NXPE4: variants seen among roughly 807,000 people sequenced by gnomAD.
The protein encoded by NXPE4 is neurexophilin and PC-esterase domain family member 4.
A neutral mutation model predicts 33.3 loss-of-function variants in NXPE4; 42 were observed. The observed-to-expected ratio is 1.26, with a 90% CI of 0.98 to 1.63. The LOEUF is 1.63. Among genes scored for constraint, NXPE4 ranks in the 40% most tolerant of loss-of-function variants. The pLI, the probability that NXPE4 is intolerant of heterozygous loss-of-function variation, is 0.00. For missense variants in NXPE4, 709 were observed against 647.6 expected (o/e 1.09, Z -1.03); for synonymous variants, 253 against 234.9 (o/e 1.08, Z -0.71).
chr11:114,620,715 G>C, the NXPE4 span, among the ~76,000 whole-genome samples: 1 of 152,028 alleles, frequency 6.6e-6, no homozygotes, highest in Admixed American at 6.5e-5. Context: ...AATAAGTACT[G>C]CCTCTTGGGT....
chr11:114,654,738 G>T, the NXPE4 span, among the ~76,000 whole-genome samples: 1 of 152,072 alleles, frequency 6.6e-6, no homozygotes, highest in East Asian at 1.9e-4. Flanking sequence ...CATTTGACTT[G>T]GTTCCGTGTC....
At chr11:114,589,265 G>A (rs569828744) in intron 2 of NXPE4, among the ~76,000 whole-genome samples, 15 of 152,222 alleles carry the variant, frequency 9.9e-5, no homozygotes, top group Non-Finnish European at 1.5e-4. Flanking sequence ...GATGGGTCCT[G>A]GTGCTCAAGC....
the NXPE4 span, among the ~76,000 whole-genome samples, chr11:114,634,838 T>G: frequency 6.6e-6 from 1 of 151,936 alleles, no homozygotes; most frequent in Admixed American, 6.6e-5. Flanking sequence ...TGTTTTGGTA[T>G]CAGTGCTATG....
At chr11:114,606,889 G>A in the NXPE4 span, among the ~76,000 whole-genome samples, 2 of 151,968 alleles carry the variant, frequency 1.3e-5, no homozygotes, top group Non-Finnish European at 2.9e-5. Context: ...ATTGCCTCAT[G>A]GGTAACCACT....
At chr11:114,670,774 TATA>T in the NXPE4 span, among the ~76,000 whole-genome samples, 1 of 152,048 alleles carries the variant, frequency 6.6e-6, no homozygotes, top group East Asian at 1.9e-4. Context: ...ATAAATTTGC[TATA>T]ATATTTTATC....
the NXPE4 span, among the ~76,000 whole-genome samples, chr11:114,637,769 T>C: frequency 6.6e-6 from 1 of 151,780 alleles, no homozygotes; most frequent in Admixed American, 6.6e-5. Flanking sequence ...AATTCTTCTC[T>C]TTAAGAATGT....
At chr11:114,610,825 T>A in the NXPE4 span, among the ~76,000 whole-genome samples, 1 of 151,214 alleles carries the variant, frequency 6.6e-6, no homozygotes. Flanking sequence ...ACTGTTACCC[T>A]GTGGATAATA....
chr11:114,571,140 C>G lies in NXPE4; in HGVS notation c.1433G>C (p.Arg478Thr), dbSNP rs779529512. The change falls in exon 6 of 6, where the codon AGG (arginine) becomes ACG (threonine). Residue 478 changes from arginine (R) to threonine (T), a missense_variant. Coordinates refer to ENST00000375478, the MANE Select transcript of NXPE4 (RefSeq NM_001077639.2). ...TCTTTCTGCATCATTGTACATCTCCCTGATGTTTTCTGTTTTGATGATAAC... is the reference window on the plus strand; with the variant it reads ...TCTTTCTGCATCATTGTACATCTCCGTGATGTTTTCTGTTTTGATGATAAC... ...TMVIIKTENI[R>T]EMYNDAERFS... is the part of the protein sequence containing the mutation. 6.2e-7 allele frequency: 1 copy of G among 1,613,738 alleles called. No homozygotes were observed. The highest frequency in any genetic ancestry group is 8.5e-7 in the Non-Finnish European group (1 of 1,179,778).
the NXPE4 span, among the ~76,000 whole-genome samples, chr11:114,643,766 TTAAAG>T: frequency 3.3e-5 from 5 of 151,936 alleles, no homozygotes; most frequent in African/African-American, 7.3e-5. Context: ...CATATGAAAC[TTAAAG>T]TAGTTTTTTT....
the NXPE4 span, among the ~76,000 whole-genome samples, chr11:114,620,251 G>A: frequency 6.6e-6 from 1 of 151,944 alleles, no homozygotes; most frequent in Non-Finnish European, 1.5e-5. Flanking sequence ...AATAATTATT[G>A]CCTCGTGGGT....
chr11:114,618,943 A>T, the NXPE4 span, among the ~76,000 whole-genome samples: 1 of 152,044 alleles, frequency 6.6e-6, no homozygotes, highest in Admixed American at 6.6e-5. Flanking sequence ...CCCACTGGAT[A>T]ATAAGTAGTA....
rs373086041 is a variant in NXPE4 at position 114,582,613 on chromosome 11, G to T, written c.505C>A (p.Leu169Met). 8 of 1,614,026 alleles carry T rather than the reference G, an allele frequency of 5.0e-6. No individual in the cohort carries two copies. In the African/African-American group the frequency reaches 9.3e-5, roughly 19 times the overall value. Residue 169 changes from leucine (L) to methionine (M), a missense_variant, in exon 3 of 6, where the codon CTG becomes ATG. Physicochemically the swap from Leu to Met is conservative, Grantham distance 15 (BLOSUM62 2). Transcript: ENST00000375478. ...AGAGAGACCTGGCCCTCCCAGAACA[G>T]AGTGAAGCTGACCAGGTAGGTGCCG... ...NNGTYLVSFT[L>M]FWEGQVSLSL...
the NXPE4 span, among the ~76,000 whole-genome samples, chr11:114,609,774 G>A: frequency 6.0e-5 from 9 of 151,188 alleles, no homozygotes; most frequent in South Asian, 2.1e-4. Context: ...GTATTGCCTC[G>A]CGGGTAACCA....
the NXPE4 span, among the ~76,000 whole-genome samples, chr11:114,612,666 T>A: frequency 6.6e-6 from 1 of 151,594 alleles, no homozygotes; most frequent in African/African-American, 2.4e-5. Flanking sequence ...ACCCAGTGGA[T>A]AATACGTGTT....
At chr11:114,665,824 A>G in the NXPE4 span, among the ~76,000 whole-genome samples, 1 of 152,168 alleles carries the variant, frequency 6.6e-6, no homozygotes, top group Admixed American at 6.6e-5. Context: ...ACATTACTGT[A>G]ACTACTTGAA....
At chr11:114,617,359 G>A in the NXPE4 span, among the ~76,000 whole-genome samples, 1,550 of 146,308 alleles carry the variant, frequency 0.011, 23 homozygotes, top group African/African-American at 0.037. Context: ...TAAGTATTAC[G>A]TCATTGGTAA....
At chr11:114,602,310 T>A in the NXPE4 span, among the ~76,000 whole-genome samples, 1 of 115,836 alleles carries the variant, frequency 8.6e-6, no homozygotes, top group Non-Finnish European at 1.7e-5. Context: ...ATACTATATA[T>A]AATATATATT....
At chr11:114,651,282 C>T in the NXPE4 span, among the ~76,000 whole-genome samples, 5 of 151,906 alleles carry the variant, frequency 3.3e-5, no homozygotes, top group East Asian at 1.9e-4. Flanking sequence ...GCGGTGGGTT[C>T]GTGGTCTCGC....
the NXPE4 span, among the ~76,000 whole-genome samples, chr11:114,663,585 T>TCATC: frequency 7.2e-6 from 1 of 138,052 alleles, no homozygotes; most frequent in Non-Finnish European, 1.6e-5. Context: ...TCTCTATCTA[T>TCATC]CATCTATCTA....
Sources: allele counts gnomAD v4.1 joint callset (sites outside exome capture counted in the v4.1 genomes callset), GRCh38; gene constraint gnomAD v4.1.1; transcripts MANE v1.5; gene names NCBI Gene and HGNC (gene_info 2026-07-23, HGNC 2026-07-21).